The following RIMS1 variants were observed in gnomAD, a reference collection of about 807,000 sequenced individuals.
RIMS1 encodes the protein regulating synaptic membrane exocytosis protein 1.
A neutral mutation model predicts 214.1 loss-of-function variants in RIMS1; 83 were observed. That is an observed-to-expected ratio of 0.39 (90% CI 0.32 to 0.47). The LOEUF (loss-of-function observed/expected upper bound fraction) is 0.47. RIMS1 is among the 20% of genes least tolerant of loss of function. The probability of loss-of-function intolerance (pLI) is 0.99; values close to 1 mark genes in which losing one functional copy is unlikely to be tolerated. For synonymous variants in RIMS1, 793 were observed against 786.8 expected, an observed-to-expected ratio of 1.01 and a Z score of -0.13; for missense variants, 2,050 against 2,161.8, an observed-to-expected ratio of 0.95 and a Z score of 1.03.
At chr6:71,969,714 C>A (rs1795364995) in intron 2 of RIMS1, among the ~76,000 whole-genome samples, 2 of 152,080 alleles carry the variant, frequency 1.3e-5, no homozygotes, top group South Asian at 4.1e-4. Context: ...GAGGCTGAGG[C>A]AGGAAAATCA....
Position 72,264,964 on chromosome 6 carries a change from C to CTACGTTCCAGA in RIMS1, c.3117-10_3117dup. 1 of 1,563,116 alleles carries CTACGTTCCAGA rather than the reference C, an allele frequency of 6.4e-7. No homozygotes were observed. The highest frequency in any genetic ancestry group is 8.7e-7 in the Non-Finnish European group (1 of 1,146,124). ...TTCTGTTTCCTGCGTGTTTGTGTTGCTACGTTCCAGACATCTTGTTAGGCA... is the reference window on the plus strand; with the variant it reads ...TTCTGTTTCCTGCGTGTTTGTGTTGCTACGTTCCAGATACGTTCCAGACATCTTGTTAGGCA... On this transcript the variant is annotated splice_polypyrimidine_tract_variant and intron_variant, in intron 19 of 33. Transcript: ENST00000521978.
At chr6:72,265,595 TC>T in intron 21 of RIMS1, 92 bp downstream of exon 21, 1 of 700,276 alleles carries the variant, frequency 1.4e-6, no homozygotes, top group Admixed American at 2.7e-5. Context: ...TCCTCTGATG[TC>T]CTTCATTTTG....
intron 26 of RIMS1, among the ~76,000 whole-genome samples, chr6:72,293,964 T>C (rs1345762239): frequency 1.3e-5 from 2 of 151,632 alleles, no homozygotes; most frequent in Non-Finnish European, 3.0e-5. Flanking sequence ...TTTCCTGAAA[T>C]ATATGATCTT....
chr6:72,290,566 C>T, intron 24 of RIMS1, 113 bp from the exon 25 acceptor site: 1 of 852,700 alleles, frequency 1.2e-6, no homozygotes, highest in Non-Finnish European at 1.8e-6. Context: ...GGGTTCTCTT[C>T]TTTGAAATTA....
At chr6:72,384,392 G>A (rs2098549464) in intron 29 of RIMS1, among the ~76,000 whole-genome samples, 1 of 152,072 alleles carries the variant, frequency 6.6e-6, no homozygotes, top group South Asian at 2.1e-4. Context: ...CTGCTTCACT[G>A]AATCTACTCC....
At position 72,260,723 on chromosome 6, in the gene RIMS1, C is replaced by A. The variant is rs1321963354; in HGVS notation, c.3072C>A (p.Pro1024=). Residue 1024 remains proline (P), a synonymous_variant, in exon 19 of 34, where the codon CCC becomes CCA. Coordinates refer to ENST00000521978, the MANE Select transcript of RIMS1 (RefSeq NM_014989.7). The stretch of plus-strand genomic sequence containing the variant: ...TGTGCAGTGAGCTTCTTATGCTGCC[C>A]AGAGCAAAACGAGGACGAAGTGCAG... ...SEQDSELLML[P]RAKRGRSAEC... 1.9e-5 allele frequency: 31 copies of A among 1,612,402 alleles called. No individual in the cohort carries two copies. The highest frequency in any genetic ancestry group is 2.5e-5 in the Non-Finnish European group (29 of 1,179,022).
At chr6:72,306,724 A>G (rs2095205143) in intron 26 of RIMS1, among the ~76,000 whole-genome samples, 2 of 152,212 alleles carry the variant, frequency 1.3e-5, no homozygotes, top group African/African-American at 4.8e-5. Context: ...GGAAATAGTC[A>G]TGAGAAGCCA....
chr6:72,070,413 G>A (rs1830331783), intron 2 of RIMS1, among the ~76,000 whole-genome samples: 1 of 152,040 alleles, frequency 6.6e-6, no homozygotes, highest in Admixed American at 6.5e-5. Context: ...CTGGAGGAAA[G>A]GCATTATAAT....
chr6:71,908,457 G>T (rs1775917351), intron 1 of RIMS1, among the ~76,000 whole-genome samples: 1 of 152,174 alleles, frequency 6.6e-6, no homozygotes, highest in African/African-American at 2.4e-5. Flanking sequence ...GAGAGGAGTG[G>T]TACAGATAGG....
chr6:71,961,356 C>T (rs960772621), intron 1 of RIMS1, among the ~76,000 whole-genome samples: 2 of 151,948 alleles, frequency 1.3e-5, no homozygotes, highest in Non-Finnish European at 2.9e-5. Flanking sequence ...CTCCGTCTTC[C>T]CCTTCCTCAC....
intron 6 of RIMS1, among the ~76,000 whole-genome samples, chr6:72,225,436 T>C (rs577354170): frequency 6.6e-6 from 1 of 152,174 alleles, no homozygotes; most frequent in Non-Finnish European, 1.5e-5. Flanking sequence ...GATTTGACAT[T>C]CAGAATATTA....
chr6:72,069,223 GT>G (rs1830038765), intron 2 of RIMS1, among the ~76,000 whole-genome samples: 2 of 152,220 alleles, frequency 1.3e-5, no homozygotes, highest in African/African-American at 2.4e-5. Context: ...TTTTACTGCT[GT>G]AGGAGATGCC....
chr6:72,064,009 T>C (rs1485723533), intron 2 of RIMS1, among the ~76,000 whole-genome samples: 1 of 152,132 alleles, frequency 6.6e-6, no homozygotes, highest in Non-Finnish European at 1.5e-5. Context: ...AGTCCAGTCA[T>C]ATTAAATTAG....
At chr6:72,117,205 A>G (rs2037259876) in intron 4 of RIMS1, among the ~76,000 whole-genome samples, 1 of 152,034 alleles carries the variant, frequency 6.6e-6, no homozygotes, top group African/African-American at 2.4e-5. Context: ...AAAAATCTGC[A>G]TTTCTTTCTC....
intron 29 of RIMS1, among the ~76,000 whole-genome samples, chr6:72,368,389 C>A (rs1282526705): frequency 2.0e-5 from 3 of 149,740 alleles, no homozygotes; most frequent in Non-Finnish European, 4.4e-5. Flanking sequence ...GTAAGCTCCG[C>A]CTCACAGGTT....
At chr6:72,090,089 G>A (rs1265465316) in intron 2 of RIMS1, among the ~76,000 whole-genome samples, 2 of 151,814 alleles carry the variant, frequency 1.3e-5, no homozygotes, top group African/African-American at 2.4e-5. Context: ...GTTAGTGGGT[G>A]CAGCGCACCA....
At chr6:71,990,601 A>G (rs749928995) in intron 2 of RIMS1, among the ~76,000 whole-genome samples, 32 of 151,864 alleles carry the variant, frequency 2.1e-4, no homozygotes, top group Non-Finnish European at 3.5e-4. Context: ...CAGCCTGCAG[A>G]GGCCCAGAGG....
chr6:71,953,493 A>G (rs1331171079), intron 1 of RIMS1, among the ~76,000 whole-genome samples: 3 of 152,174 alleles, frequency 2.0e-5, no homozygotes, highest in East Asian at 1.9e-4. Flanking sequence ...TTTTTGAACA[A>G]TACTTTAAGC....
rs1209135359 is a variant in RIMS1 at position 72,217,209 on chromosome 6, G to A, written c.1679-16564G>A. ...CTGTTATGTTTGCTGGGTTTCTGCA[G>A]TTTCTACTACTTCATACATTGCACT... On this transcript the variant is annotated intron_variant, in intron 6 of 33. Coordinates refer to ENST00000521978, the MANE Select transcript of RIMS1 (RefSeq NM_014989.7). The A allele has an allele frequency of 5.2e-6, 8 of 1,536,664 alleles. No homozygotes were observed. The South Asian group carries it at 7.1e-5, about 14-fold the overall frequency.
Sources: gnomAD v4.1 joint callset for allele counts (sites outside exome capture counted in the v4.1 genomes callset) on GRCh38, gnomAD v4.1.1 for gene constraint, MANE v1.5 for transcripts, NCBI Gene and HGNC (gene_info 2026-07-23, HGNC 2026-07-21) for gene names.